Variants in DLGAP3 observed in about 807,000 individuals in gnomAD.
DLGAP3 encodes the protein DLG associated protein 3.
In DLGAP3, 17 loss-of-function variants were observed where a neutral mutation model predicts 81.2. That is an observed-to-expected ratio of 0.21 (90% CI 0.14 to 0.31). DLGAP3 has a LOEUF of 0.31. Among genes scored for constraint, DLGAP3 ranks in the 10% least tolerant of loss-of-function variants. The pLI is 1.00. For synonymous variants in DLGAP3, 577 were observed against 587.4 expected (o/e 0.98, Z 0.26); for missense variants, 1,124 against 1,388.0 (o/e 0.81, Z 3.02).
Position 34,885,730 on chromosome 1 carries a change from G to A in DLGAP3, c.1662C>T (p.Ile554=), listed in dbSNP as rs2148401973. 2 of 1,420,830 alleles carry A rather than the reference G, an allele frequency of 1.4e-6. No homozygotes were observed. Among genetic ancestry groups the A allele is most frequent in the East Asian group, 2.7e-5 (1 of 37,572 alleles). 88.0% of individuals were successfully genotyped at this position (1,420,830 alleles called of 1,614,324 possible). Residue 554 remains isoleucine, a synonymous_variant, in exon 7 of 12, where the codon ATC becomes ATT. Coordinates refer to ENST00000373347, the MANE Select transcript of DLGAP3 (RefSeq NM_001080418.3). ...CGGTGCTGCTCTGGGCGGTGATGGA[G>A]ATGCGGGGCGGGGCCTGGCTTCCCG... ...IPPGSQAPPR[I]SITAQSSTDS...
chr1:34,868,176 G>A lies in DLGAP3; in HGVS notation c.2485+429C>T, dbSNP rs375789484. On this transcript the variant is annotated intron_variant, in intron 9 of 11. Transcript: ENST00000373347. The surrounding 1 kb of genome is among the most constrained non-coding windows in gnomAD (Gnocchi z 7.5). ...CTCGGGCCAGGGCCACATCTCCCTGGCTGAATCTCCCTCTTCTGTGCCTCA... is the reference window on the plus strand; with the variant it reads ...CTCGGGCCAGGGCCACATCTCCCTGACTGAATCTCCCTCTTCTGTGCCTCA... Among the ~76,000 whole-genome samples, 20 of 152,178 alleles carry A rather than the reference G, an allele frequency of 1.3e-4. No individual in the cohort carries two copies. Among genetic ancestry groups the A allele is most frequent in the East Asian group, 5.8e-4 (3 of 5,196 alleles).
intron 1 of DLGAP3, among the ~76,000 whole-genome samples, chr1:34,924,448 C>T (rs1346482132): frequency 6.6e-6 from 1 of 152,188 alleles, no homozygotes; most frequent in Non-Finnish European, 1.5e-5. Context: ...ACAGGACAGG[C>T]TTGCAGAATA....
intron 8 of DLGAP3, among the ~76,000 whole-genome samples, chr1:34,882,243 G>A (rs78802032): frequency 0.19 from 29,436 of 152,140 alleles, 4,277 homozygotes; most frequent in East Asian, 0.75. Context: ...TTGGGAGGCC[G>A]AGGCGGGCTG....
intron 8 of DLGAP3, among the ~76,000 whole-genome samples, chr1:34,878,798 C>T (rs1639099043): frequency 6.6e-6 from 1 of 152,212 alleles, no homozygotes; most frequent in Non-Finnish European, 1.5e-5. Flanking sequence ...TGGGTGGGCG[C>T]AGTGGCTCAC....
chr1:34,924,383 C>T (rs1639837322), intron 1 of DLGAP3, among the ~76,000 whole-genome samples: 1 of 152,136 alleles, frequency 6.6e-6, no homozygotes, highest in South Asian at 2.1e-4. Flanking sequence ...TCTTCCTCCC[C>T]AACAAAAGTC....
At position 34,865,852 on chromosome 1, in the gene DLGAP3, A is replaced by T; in HGVS notation, c.*231T>A. 3 of 635,552 alleles carry T rather than the reference A, an allele frequency of 4.7e-6. No homozygotes were observed. Among genetic ancestry groups the T allele is most frequent in the Non-Finnish European group, 8.4e-6 (3 of 355,342 alleles). The allele number at this position is 635,552 out of a possible 1,614,324, so 39.4% of individuals were successfully genotyped here. ...GTCGGACCAGGTGGGCAGGGGATCC[A>T]GGTGAGGGGCGCAGGGCGGAGAGGC... On this transcript the variant is annotated 3_prime_UTR_variant, in exon 12 of 12. Transcript: ENST00000373347.
intron 7 of DLGAP3, 99 bp downstream of exon 7, chr1:34,885,379 G>C: frequency 7.4e-7 from 1 of 1,355,372 alleles, no homozygotes; most frequent in Non-Finnish European, 1.0e-6. Flanking sequence ...GGGCAAGCCA[G>C]AAAGAATGTC....
chr1:34,894,074 G>A (rs371880666), intron 5 of DLGAP3, among the ~76,000 whole-genome samples: 121 of 152,250 alleles, frequency 7.9e-4, no homozygotes, highest in African/African-American at 2.8e-3. Flanking sequence ...TCTAGTTCCA[G>A]CTACTTGGGG....
chr1:34,894,920 A>C (rs1439489443), intron 5 of DLGAP3, among the ~76,000 whole-genome samples: 1 of 152,236 alleles, frequency 6.6e-6, no homozygotes, highest in Non-Finnish European at 1.5e-5. Context: ...GAAGTCAAGG[A>C]AATTAAAGTG....
At chr1:34,887,339 G>A (rs1291938078) in intron 5 of DLGAP3, among the ~76,000 whole-genome samples, 1 of 151,790 alleles carries the variant, frequency 6.6e-6, no homozygotes, top group Non-Finnish European at 1.5e-5. Context: ...ACTGAGGAAA[G>A]CTTAGCCATT....
intron 8 of DLGAP3, among the ~76,000 whole-genome samples, chr1:34,883,279 G>A (rs1027905795): frequency 6.6e-6 from 1 of 152,226 alleles, no homozygotes; most frequent in Non-Finnish European, 1.5e-5. Context: ...CACGTGCTTA[G>A]TAAGTATCTG....
chr1:34,906,899 G>C (rs572729331), intron 2 of DLGAP3, among the ~76,000 whole-genome samples: 1 of 152,158 alleles, frequency 6.6e-6, no homozygotes, highest in East Asian at 1.9e-4. Flanking sequence ...TAGGAGCTAC[G>C]GCAGGAGGGA....
intron 5 of DLGAP3, among the ~76,000 whole-genome samples, chr1:34,893,149 G>A (rs1201271525): frequency 5.5e-5 from 8 of 144,864 alleles, no homozygotes; most frequent in African/African-American, 7.7e-5. Flanking sequence ...TCCGCAGTCC[G>A]GCCTGGGCGA....
Position 34,867,453 on chromosome 1 carries a change from G to A in DLGAP3, c.2577+83C>T. 7.9e-7 allele frequency: 1 copy of A among 1,272,750 alleles called. No homozygotes were observed. 78.8% of individuals were successfully genotyped at this position (1,272,750 alleles called of 1,614,324 possible). ...CTCACCTCTGGTACACACTCACTCT[G>A]GGTCACCTGCCTGTCTCACCTCCAG... On this transcript the variant is annotated intron_variant, in intron 10 of 11. Transcript: ENST00000373347. This position sits in a 1 kb window ranked among gnomAD's most constrained non-coding sequence, Gnocchi z 4.3.
chr1:34,917,004 C>A (rs1639729093), intron 1 of DLGAP3, among the ~76,000 whole-genome samples: 1 of 151,206 alleles, frequency 6.6e-6, no homozygotes, highest in African/African-American at 2.4e-5. Context: ...GGCCTCAGAG[C>A]ACCTTTAAAG....
chr1:34,880,624 G>A (rs761438357), intron 8 of DLGAP3, among the ~76,000 whole-genome samples: 19 of 151,880 alleles, frequency 1.3e-4, no homozygotes, highest in African/African-American at 1.5e-4. Context: ...CCAGCTACTC[G>A]GGAGGTGGAA....
intron 5 of DLGAP3, among the ~76,000 whole-genome samples, chr1:34,889,790 C>T (rs1639286016): frequency 6.6e-6 from 1 of 152,122 alleles, no homozygotes; most frequent in Non-Finnish European, 1.5e-5. Context: ...GAGATAAGTC[C>T]CCAGGGGACA....
Position 34,885,768 on chromosome 1 carries a change from G to A in DLGAP3, c.1624C>T (p.Pro542Ser), listed in dbSNP as rs1639215576. 2.8e-6 allele frequency: 4 copies of A among 1,413,174 alleles called. No homozygotes were observed. Among genetic ancestry groups the A allele is most frequent in the South Asian group, 1.6e-5 (1 of 62,574 alleles). 87.5% of individuals were successfully genotyped at this position (1,413,174 alleles called of 1,614,324 possible). ...GSSFNFRKAP[P>S]PIPPGSQAPP... is the part of the protein sequence containing the mutation. The stretch of plus-strand genomic sequence containing the variant: ...GCCTGGCTTCCCGGCGGGATGGGGG[G>A]CGGGGCCTTTCTGAAGTTGAAGGCT... Residue 542 changes from proline (P) to serine (S), a missense_variant, in exon 7 of 12, where the codon CCC (proline) becomes TCC (serine). By Grantham distance (74) the Pro-to-Ser change is moderately conservative (BLOSUM62 -1). Around this residue, in one of 9 missense-constraint regions of DLGAP3, gnomAD observed 379 missense variants for 455.7 expected, o/e 0.83. Coordinates refer to ENST00000373347, the MANE Select transcript of DLGAP3 (RefSeq NM_001080418.3).
chr1:34,874,001 T>C (rs1639015253), intron 8 of DLGAP3, among the ~76,000 whole-genome samples: 1 of 152,246 alleles, frequency 6.6e-6, no homozygotes, highest in Non-Finnish European at 1.5e-5. Flanking sequence ...AATGTAGCCA[T>C]GTGCCTAAGT....
Sources: gnomAD v4.1 joint callset for allele counts (sites outside exome capture counted in the v4.1 genomes callset) on GRCh38, gnomAD v4.1.1 for gene constraint, gnomAD v4.1.1 regional missense constraint, Gnocchi (gnomAD v3.1) non-coding constraint, MANE v1.5 for transcripts, NCBI Gene and HGNC (gene_info 2026-07-23, HGNC 2026-07-21) for gene names.